DOCK8: variants seen among roughly 807,000 people sequenced by gnomAD.
DOCK8 encodes dedicator of cytokinesis protein 8.
DOCK8 carries 141 observed loss-of-function variants against 245.6 expected under a neutral mutation model. The ratio of observed to expected loss-of-function variants is 0.57; its 90% CI spans 0.50 to 0.66. The LOEUF (loss-of-function observed/expected upper bound fraction) is 0.66, where lower values mean the gene tolerates loss of function less well. Among genes scored for constraint, DOCK8 ranks in the 30% least tolerant of loss-of-function variants. The probability of loss-of-function intolerance (pLI) is 0.00; values close to 1 mark genes in which losing one functional copy is unlikely to be tolerated. For synonymous variants in DOCK8, 1,168 were observed against 970.2 expected (o/e 1.20, Z -3.79); for missense variants, 2,965 against 2,603.4 (o/e 1.14, Z -3.02).
intron 26 of DOCK8, 152 bp downstream of exon 26, chr9:399,411 G>C: frequency 1.4e-6 from 1 of 693,902 alleles, no homozygotes; most frequent in Non-Finnish European, 2.6e-6. Context: ...CCTCATGTCT[G>C]TGCCATGGAC....
chr9:435,067 T>C (rs2131755311), intron 39 of DOCK8, 92 bp downstream of exon 39: 3 of 1,491,974 alleles, frequency 2.0e-6, no homozygotes, highest in Admixed American at 1.9e-5. Context: ...AATGTCTAGA[T>C]ACATTTTTGG....
rs1391351739 is a variant in DOCK8, at chr9:400,830, CCAT to C, written c.3234+1574_3234+1576del. ...ACCATCACCACCACCTCCACCATCA[CCAT>C]CACCACCACCTCCACCATCACCACC... On this transcript the variant is annotated intron_variant, in intron 26 of 47. Transcript: ENST00000432829. Among the ~76,000 whole-genome samples, 43 of 71,822 alleles carry C rather than the reference CCAT, an allele frequency of 6.0e-4. 1 individual carries two copies. Among genetic ancestry groups the C allele is most frequent in the Admixed American group, 1.9e-3 (12 of 6,290 alleles). The allele number at this position is 71,822 out of a possible 152,430, so 47.1% of individuals were successfully genotyped here. A position where few individuals can be genotyped will look rare whatever the true frequency, so the allele number is the denominator to read the frequency against.
At chr9:330,845 T>A (rs1166501946) in intron 9 of DOCK8, among the ~76,000 whole-genome samples, 1 of 152,220 alleles carries the variant, frequency 6.6e-6, no homozygotes, top group African/African-American at 2.4e-5. Context: ...CAATAGGTTC[T>A]CATGTCGGTC....
intron 26 of DOCK8, among the ~76,000 whole-genome samples, chr9:404,194 G>T (rs146007448): frequency 4.6e-5 from 7 of 151,728 alleles, no homozygotes; most frequent in African/African-American, 1.7e-4. Flanking sequence ...CTGAGTCTGG[G>T]TCTTTCAGTT....
intron 1 of DOCK8, among the ~76,000 whole-genome samples, chr9:260,612 A>G (rs1198966605): frequency 3.9e-5 from 6 of 152,226 alleles, no homozygotes; most frequent in Non-Finnish European, 7.3e-5. Context: ...TACATGTATG[A>G]GTTCACATGT....
At chr9:312,962 T>C (rs1325477170) in intron 6 of DOCK8, 1 of 150,524 alleles carries the variant, frequency 6.6e-6, no homozygotes, top group Non-Finnish European at 1.5e-5. Context: ...TTGAGGAAAC[T>C]GCATAAAAGA....
At chr9:412,175 G>C (rs1162481288) in intron 28 of DOCK8, among the ~76,000 whole-genome samples, 1 of 152,098 alleles carries the variant, frequency 6.6e-6, no homozygotes, top group East Asian at 1.9e-4. Flanking sequence ...GGCCAAAGTG[G>C]ACAGATCGCT....
chr9:344,752 G>C (rs543172324), intron 14 of DOCK8, among the ~76,000 whole-genome samples: 1 of 152,236 alleles, frequency 6.6e-6, no homozygotes, highest in South Asian at 2.1e-4. Context: ...ACTCCCAAGA[G>C]TATTATCATT....
chr9:457,842 A>T (rs188881925), intron 46 of DOCK8, among the ~76,000 whole-genome samples: 2 of 152,218 alleles, frequency 1.3e-5, no homozygotes, highest in Non-Finnish European at 2.9e-5. Flanking sequence ...TGAACATTTG[A>T]TATGTTTCAA....
intron 4 of DOCK8, among the ~76,000 whole-genome samples, chr9:292,708 G>T (rs2884957): frequency 6.6e-6 from 1 of 151,802 alleles, no homozygotes; most frequent in Non-Finnish European, 1.5e-5. Context: ...GTCTTCCCCA[G>T]TATGCCTTTT....
intron 14 of DOCK8, 143 bp downstream of exon 14, chr9:340,464 T>A: frequency 9.4e-7 from 1 of 1,065,130 alleles, no homozygotes; most frequent in Non-Finnish European, 1.4e-6. Flanking sequence ...CTACAACATA[T>A]ACAAAATTTA....
intron 33 of DOCK8, among the ~76,000 whole-genome samples, chr9:422,757 G>A (rs1191708397): frequency 6.6e-6 from 1 of 152,132 alleles, no homozygotes; most frequent in Non-Finnish European, 1.5e-5. Flanking sequence ...GGCTGAGGCC[G>A]GTGGAACACC....
intron 11 of DOCK8, among the ~76,000 whole-genome samples, chr9:336,330 A>G (rs1040793722): frequency 3.3e-5 from 5 of 152,200 alleles, no homozygotes; most frequent in African/African-American, 1.2e-4. Context: ...CATTTGGGCT[A>G]CCCTAATTTC....
chr9:444,073 A>G (rs1374721344), intron 43 of DOCK8, among the ~76,000 whole-genome samples: 1 of 152,162 alleles, frequency 6.6e-6, no homozygotes, highest in East Asian at 1.9e-4. Flanking sequence ...GGGGAATGGT[A>G]AAAACGGCTT....
chr9:285,173 A>G (rs1164426423), intron 2 of DOCK8, among the ~76,000 whole-genome samples: 1 of 151,900 alleles, frequency 6.6e-6, no homozygotes, highest in South Asian at 2.1e-4. Flanking sequence ...AACTTACGCC[A>G]CTCATGTCTC....
Position 418,171 on chromosome 9 carries a change from C to G in DOCK8, c.3804C>G (p.Phe1268Leu). 1 of 1,614,222 alleles carries G rather than the reference C, an allele frequency of 6.2e-7. No individual in the cohort carries two copies. The highest frequency in any genetic ancestry group is 1.1e-5 in the South Asian group (1 of 91,090). The change falls in exon 30 of 48, where the codon TTC becomes TTG. Residue 1268 changes from phenylalanine to leucine, a missense_variant. Physicochemically the swap from Phe to Leu is conservative, Grantham distance 22 (BLOSUM62 0). Transcript: ENST00000432829. Reference protein sequence around the residue: ...NVALAIAGNNFNLKTSGIVLS... With the variant: ...NVALAIAGNNLNLKTSGIVLS... ...CTCTGGCCATAGCAGGGAATAATTT[C>G]AATTTGAAAACAAGTGGAATAGTGC...
In DOCK8 at chr9:214,874, G is replaced by A. The variant is rs777553733; in HGVS notation, c.-103G>A. 2 of 1,601,850 alleles carry A rather than the reference G, an allele frequency of 1.2e-6. No individual in the cohort carries two copies. Among genetic ancestry groups the A allele is most frequent in the African/African-American group, 1.4e-5 (1 of 73,532 alleles). On this transcript the variant is annotated 5_prime_UTR_variant, in exon 1 of 48. Transcript: ENST00000432829. ...GTTTCCAGCGCCGACCGACAGACGA[G>A]GTTTGCGCTTGGCTGGGCATGTTCC...
At chr9:431,766 C>A (rs192101514) in intron 36 of DOCK8, among the ~76,000 whole-genome samples, 29 of 152,254 alleles carry the variant, frequency 1.9e-4, no homozygotes, top group Admixed American at 3.3e-4. Context: ...TCCTTGGCCT[C>A]CCAAAGTGCT....
intron 1 of DOCK8, among the ~76,000 whole-genome samples, chr9:253,550 G>T (rs1462619735): frequency 6.6e-6 from 1 of 152,160 alleles, no homozygotes; most frequent in African/African-American, 2.4e-5. Context: ...TTCATTGGAA[G>T]TAAGGCTCTG....
Sources: allele counts gnomAD v4.1 joint callset (sites outside exome capture counted in the v4.1 genomes callset), GRCh38; gene constraint gnomAD v4.1.1; transcripts MANE v1.5; gene names NCBI Gene and HGNC (gene_info 2026-07-23, HGNC 2026-07-21).